Variants in CLSTN2 observed in about 807,000 individuals in gnomAD.
CLSTN2 encodes calsyntenin-2.
Under a neutral mutation model 101.2 loss-of-function variants are expected in CLSTN2, and 48 were observed. The ratio of observed to expected loss-of-function variants is 0.47; its 90% CI spans 0.38 to 0.60. The LOEUF (loss-of-function observed/expected upper bound fraction) is 0.60. CLSTN2 is among the 20% of genes least tolerant of loss of function. The pLI is 0.00. For missense variants in CLSTN2, 1,160 were observed against 1,238.2 expected (o/e 0.94, Z 0.95); for synonymous variants, 481 against 463.6 (o/e 1.04, Z -0.48).
At chr3:140,090,021 GT>G (rs2008749838) in intron 1 of CLSTN2, among the ~76,000 whole-genome samples, 1 of 108,850 alleles carries the variant, frequency 9.2e-6, no homozygotes, top group Non-Finnish European at 1.7e-5. Flanking sequence ...GTATATATTG[GT>G]TTTAGGGTGA....
intron 8 of CLSTN2, among the ~76,000 whole-genome samples, chr3:140,478,880 AAGG>A (rs1367932367): frequency 1.3e-4 from 19 of 147,318 alleles, no homozygotes; most frequent in Non-Finnish European, 2.4e-4. Flanking sequence ...AGGAGGAAGG[AAGG>A]AAGGAAGGAA....
At chr3:140,261,410 TC>T (rs1335896149) in intron 2 of CLSTN2, among the ~76,000 whole-genome samples, 1 of 152,268 alleles carries the variant, frequency 6.6e-6, no homozygotes, top group East Asian at 1.9e-4. Context: ...CTTTAATATA[TC>T]CCCATCACTG....
At chr3:140,153,259 G>A (rs935344813) in intron 1 of CLSTN2, among the ~76,000 whole-genome samples, 14 of 152,162 alleles carry the variant, frequency 9.2e-5, no homozygotes, top group Admixed American at 7.2e-4. Flanking sequence ...AAGTACACCC[G>A]TTGGCACTGG....
At chr3:140,080,276 G>A (rs1305390826) in intron 1 of CLSTN2, among the ~76,000 whole-genome samples, 3 of 152,172 alleles carry the variant, frequency 2.0e-5, no homozygotes, top group African/African-American at 4.8e-5. Flanking sequence ...TCATTGCAGT[G>A]TGCTTATCTG....
At chr3:140,241,844 CATATATATAT>C (rs761082734) in intron 2 of CLSTN2, among the ~76,000 whole-genome samples, 1 of 141,926 alleles carries the variant, frequency 7.0e-6, no homozygotes, top group Non-Finnish European at 1.5e-5. Flanking sequence ...TATATATATA[CATATATATAT>C]ACACATATAT....
rs113665079 is a variant in CLSTN2 at position 140,154,707 on chromosome 3, C to T, written c.110-21244C>T. Among the ~76,000 whole-genome samples the T allele has an allele frequency of 7.5e-3, 1,121 of 148,692 alleles. 7 individuals carry two copies. The highest frequency in any genetic ancestry group is 0.026 in the African/African-American group (1,057 of 40,198). ...TCGCCCAGGCTGGAGTGCAGTGGCCCGATCTCGGCTCACTACAAGCTCTGC... is the reference window on the plus strand; with the variant it reads ...TCGCCCAGGCTGGAGTGCAGTGGCCTGATCTCGGCTCACTACAAGCTCTGC... On this transcript the variant is annotated intron_variant, in intron 1 of 16. Transcript: ENST00000458420.
intron 2 of CLSTN2, among the ~76,000 whole-genome samples, chr3:140,329,607 T>A (rs370806497): frequency 1.1e-4 from 17 of 152,114 alleles, no homozygotes; most frequent in African/African-American, 3.1e-4. Flanking sequence ...AAAAAAAAAA[T>A]TCATCCTAAC....
intron 1 of CLSTN2, among the ~76,000 whole-genome samples, chr3:140,062,975 A>T (rs773842677): frequency 9.9e-5 from 15 of 152,226 alleles, no homozygotes; most frequent in Non-Finnish European, 1.5e-4. Flanking sequence ...AGAGTTATCA[A>T]AATATTAAAA....
chr3:140,077,658 G>T (rs2008515194), intron 1 of CLSTN2, among the ~76,000 whole-genome samples: 1 of 151,824 alleles, frequency 6.6e-6, no homozygotes, highest in East Asian at 1.9e-4. Context: ...GGTGAAAGAG[G>T]TCTTCTCAGT....
At chr3:140,161,030 C>T (rs368002964) in intron 1 of CLSTN2, among the ~76,000 whole-genome samples, 2 of 152,252 alleles carry the variant, frequency 1.3e-5, no homozygotes, top group South Asian at 4.1e-4. Flanking sequence ...TTAACACACA[C>T]GGAGCACCTA....
At chr3:140,002,513 C>T (rs1390870237) in intron 1 of CLSTN2, among the ~76,000 whole-genome samples, 1 of 151,756 alleles carries the variant, frequency 6.6e-6, no homozygotes, top group Non-Finnish European at 1.5e-5. Context: ...TGTGGGTTGT[C>T]TCTTCATTTT....
At chr3:140,339,142 A>T (rs2107934747) in intron 2 of CLSTN2, among the ~76,000 whole-genome samples, 1 of 152,256 alleles carries the variant, frequency 6.6e-6, no homozygotes, top group East Asian at 1.9e-4. Flanking sequence ...CAGGTTTAAG[A>T]ATGGTTCTCA....
chr3:140,301,499 C>T (rs965322364), intron 2 of CLSTN2, among the ~76,000 whole-genome samples: 6 of 152,262 alleles, frequency 3.9e-5, no homozygotes, highest in Non-Finnish European at 5.9e-5. Flanking sequence ...TGCTCTGTGG[C>T]GAGATTATAT....
intron 2 of CLSTN2, among the ~76,000 whole-genome samples, chr3:140,397,412 T>TA (rs1180301843): frequency 6.6e-6 from 1 of 152,190 alleles, no homozygotes; most frequent in African/African-American, 2.4e-5. Flanking sequence ...AAAGATTAGG[T>TA]AAAAACGAAT....
At chr3:140,207,656 C>T (rs2010801309) in intron 2 of CLSTN2, among the ~76,000 whole-genome samples, 1 of 152,144 alleles carries the variant, frequency 6.6e-6, no homozygotes, top group Admixed American at 6.5e-5. Context: ...TATCCTGTGC[C>T]TATTGAAAAT....
At chr3:140,392,894 G>A (rs1042122442) in intron 2 of CLSTN2, among the ~76,000 whole-genome samples, 4 of 151,920 alleles carry the variant, frequency 2.6e-5, no homozygotes, top group Non-Finnish European at 4.4e-5. Flanking sequence ...TGGTCGAGGG[G>A]CCACAACTGG....
At chr3:140,307,228 C>G (rs72990200) in intron 2 of CLSTN2, among the ~76,000 whole-genome samples, 2 of 152,136 alleles carry the variant, frequency 1.3e-5, no homozygotes, top group African/African-American at 4.8e-5. Flanking sequence ...ATTGCCCACT[C>G]GGGTGTGTCT....
At chr3:140,140,791 A>C (rs2009686575) in intron 1 of CLSTN2, among the ~76,000 whole-genome samples, 1 of 152,234 alleles carries the variant, frequency 6.6e-6, no homozygotes, top group Non-Finnish European at 1.5e-5. Context: ...AGGACTGCCT[A>C]ACTCTAAAAT....
chr3:140,101,828 C>G (rs562540520), intron 1 of CLSTN2, among the ~76,000 whole-genome samples: 2 of 152,158 alleles, frequency 1.3e-5, no homozygotes, highest in Non-Finnish European at 2.9e-5. Context: ...CTGCTTTTAA[C>G]TGCGCTGGCC....
Sources: gnomAD v4.1 joint callset for allele counts (sites outside exome capture counted in the v4.1 genomes callset) on GRCh38, gnomAD v4.1.1 for gene constraint, MANE v1.5 for transcripts, NCBI Gene and HGNC (gene_info 2026-07-23, HGNC 2026-07-21) for gene names.